VSTM4: variants seen among roughly 807,000 people sequenced by gnomAD.
VSTM4 encodes V-set and transmembrane domain containing 4, also known as V-set and transmembrane domain-containing protein 4.
VSTM4 carries 20 observed loss-of-function variants against 36.4 expected under a neutral mutation model. That is an observed-to-expected ratio of 0.55 (90% CI 0.39 to 0.80). VSTM4 has a LOEUF of 0.80. VSTM4 is among the 30% of genes least tolerant of loss of function. The pLI is 0.00. For missense variants in VSTM4, 392 were observed against 404.5 expected, an observed-to-expected ratio of 0.97 and a Z score of 0.26; for synonymous variants, 182 against 173.9, an observed-to-expected ratio of 1.05 and a Z score of -0.37.
chr10:49,065,465 T>G (rs1352076728), intron 4 of VSTM4, among the ~76,000 whole-genome samples: 1 of 152,188 alleles, frequency 6.6e-6, no homozygotes, highest in Non-Finnish European at 1.5e-5. Context: ...CATATGAACT[T>G]GCTTTGGTCA....
chr10:49,043,008 T>C (rs985935597), intron 7 of VSTM4, among the ~76,000 whole-genome samples: 1 of 152,094 alleles, frequency 6.6e-6, no homozygotes, highest in African/African-American at 2.4e-5. Flanking sequence ...AGGAACATGC[T>C]TGGTATATTT....
intron 2 of VSTM4, among the ~76,000 whole-genome samples, chr10:49,097,139 A>G (rs1844587545): frequency 6.6e-6 from 1 of 152,100 alleles, no homozygotes; most frequent in Non-Finnish European, 1.5e-5. Context: ...TTCCACGGGA[A>G]CCTTAGGACA....
chr10:49,097,744 A>G lies in VSTM4; in HGVS notation c.457+9850T>C, dbSNP rs147438643. ...TAGCTATATATTATTTTTCACTTACATGAGACATTTTGGCCCCCTAAAATA... is the reference window on the plus strand; with the variant it reads ...TAGCTATATATTATTTTTCACTTACGTGAGACATTTTGGCCCCCTAAAATA... On this transcript the variant is annotated intron_variant, in intron 2 of 7. Coordinates refer to ENST00000332853, the MANE Select transcript of VSTM4 (RefSeq NM_001031746.5). 3.2e-3 allele frequency among the ~76,000 whole-genome samples: 493 copies of G among 152,308 alleles called. 8 individuals are homozygous for G. The highest frequency in any genetic ancestry group is 0.011 in the African/African-American group (477 of 41,562).
chr10:49,062,321 T>C (rs2131975583), intron 5 of VSTM4, among the ~76,000 whole-genome samples: 1 of 152,298 alleles, frequency 6.6e-6, no homozygotes, highest in East Asian at 1.9e-4. Flanking sequence ...CATTTTTTTC[T>C]GTTTCAAGAT....
At chr10:49,106,234 A>C (rs1844780363) in intron 2 of VSTM4, among the ~76,000 whole-genome samples, 1 of 152,240 alleles carries the variant, frequency 6.6e-6, no homozygotes, top group Non-Finnish European at 1.5e-5. Flanking sequence ...GCTTGTCAAA[A>C]CAACATCACT....
chr10:49,062,479 T>C (rs1401676177), intron 5 of VSTM4, among the ~76,000 whole-genome samples: 3 of 152,236 alleles, frequency 2.0e-5, no homozygotes, highest in African/African-American at 7.2e-5. Flanking sequence ...TTTTGGTATT[T>C]AAAAATGTGC....
chr10:49,020,228 T>C (rs114191324), intron 7 of VSTM4, among the ~76,000 whole-genome samples: 263 of 152,334 alleles, frequency 1.7e-3, no homozygotes, highest in African/African-American at 6.2e-3. Flanking sequence ...TTTCAAAATA[T>C]CTTGAAAATA....
At chr10:49,110,894 C>A (rs985917878) in intron 1 of VSTM4, among the ~76,000 whole-genome samples, 13 of 152,212 alleles carry the variant, frequency 8.5e-5, no homozygotes, top group African/African-American at 3.1e-4. Flanking sequence ...GCACACTAAT[C>A]CAGCCCTGTT....
At chr10:49,046,430 A>G (rs933266940) in intron 7 of VSTM4, among the ~76,000 whole-genome samples, 1 of 152,254 alleles carries the variant, frequency 6.6e-6, no homozygotes, top group African/African-American at 2.4e-5. Context: ...GAAAAGGAAC[A>G]TTAGCAGGTA....
chr10:49,040,725 T>C (rs1222053057), intron 7 of VSTM4, among the ~76,000 whole-genome samples: 1 of 152,214 alleles, frequency 6.6e-6, no homozygotes, highest in Non-Finnish European at 1.5e-5. Context: ...GCTTGGGGAT[T>C]GCAGACATAA....
chr10:49,022,004 A>G (rs966819513), intron 7 of VSTM4, among the ~76,000 whole-genome samples: 5 of 152,332 alleles, frequency 3.3e-5, no homozygotes, highest in Middle Eastern at 3.4e-3. Flanking sequence ...TGGAGAGCAC[A>G]TTAACCATGG....
chr10:49,047,263 C>T (rs1241856284), intron 6 of VSTM4, among the ~76,000 whole-genome samples: 1 of 152,000 alleles, frequency 6.6e-6, no homozygotes, highest in African/African-American at 2.4e-5. Context: ...GTCAACAAAA[C>T]AACTCTGCAT....
intron 5 of VSTM4, among the ~76,000 whole-genome samples, chr10:49,058,411 C>T (rs1843819892): frequency 6.6e-6 from 1 of 152,126 alleles, no homozygotes; most frequent in Admixed American, 6.5e-5. Flanking sequence ...TCCGGGTTTC[C>T]AGGAATTTTG....
intron 5 of VSTM4, among the ~76,000 whole-genome samples, chr10:49,057,179 C>T (rs140722231): frequency 6.6e-6 from 1 of 152,208 alleles, no homozygotes; most frequent in East Asian, 1.9e-4. Context: ...CTGGAAACTA[C>T]ATTTCCACAT....
chr10:49,064,628 C>T, intron 5 of VSTM4, 75 bp downstream of exon 5: 1 of 1,497,734 alleles, frequency 6.7e-7, no homozygotes, highest in Non-Finnish European at 9.2e-7. Flanking sequence ...CAAATTTAAT[C>T]AATTTATTGG....
chr10:49,019,953 A>G (rs1843157686), intron 7 of VSTM4, among the ~76,000 whole-genome samples, 178 bp from the exon 8 acceptor site: 1 of 152,320 alleles, frequency 6.6e-6, no homozygotes, highest in South Asian at 2.1e-4. Flanking sequence ...GATAGATCTC[A>G]TTGTCTTCTA....
chr10:49,083,917 C>A (rs565342371), intron 3 of VSTM4, among the ~76,000 whole-genome samples: 2 of 152,156 alleles, frequency 1.3e-5, no homozygotes, highest in South Asian at 4.1e-4. Context: ...ATAACCAGAA[C>A]CTCAGGGGCT....
At chr10:49,063,502 C>A (rs1301836078) in intron 5 of VSTM4, among the ~76,000 whole-genome samples, 3 of 152,100 alleles carry the variant, frequency 2.0e-5, no homozygotes, top group African/African-American at 7.2e-5. Flanking sequence ...GTCCCAGGTC[C>A]TATATAAATC....
intron 3 of VSTM4, among the ~76,000 whole-genome samples, chr10:49,077,735 T>C (rs1564585334): frequency 6.6e-6 from 1 of 152,138 alleles, no homozygotes; most frequent in Non-Finnish European, 1.5e-5. Flanking sequence ...AGAAAAATCT[T>C]TGGGATCTAA....
Sources: gnomAD v4.1 joint callset for allele counts (sites outside exome capture counted in the v4.1 genomes callset) on GRCh38, gnomAD v4.1.1 for gene constraint, MANE v1.5 for transcripts, NCBI Gene and HGNC (gene_info 2026-07-23, HGNC 2026-07-21) for gene names.